The following GLIS1 variants were observed in gnomAD, a reference collection of about 807,000 sequenced individuals.
GLIS1 encodes the protein GLIS family zinc finger 1, also known as zinc finger protein GLIS1.
A neutral mutation model predicts 63.8 loss-of-function variants in GLIS1; 24 were observed. The observed-to-expected ratio is 0.38, with a 90% CI of 0.27 to 0.53. The LOEUF (loss-of-function observed/expected upper bound fraction) is 0.53. GLIS1 is among the 20% of genes least tolerant of loss of function. The pLI is 0.85. For missense variants in GLIS1, 1,036 were observed against 1,074.1 expected, an observed-to-expected ratio of 0.96 and a Z score of 0.50; for synonymous variants, 450 against 482.5, an observed-to-expected ratio of 0.93 and a Z score of 0.88.
chr1:53,542,504 T>C (rs1453900832), intron 4 of GLIS1, among the ~76,000 whole-genome samples: 1 of 151,928 alleles, frequency 6.6e-6, no homozygotes, highest in Non-Finnish European at 1.5e-5. Flanking sequence ...AAATGAGCCT[T>C]GAGGGAAGTG....
chr1:53,620,741 C>A (rs988097373), intron 2 of GLIS1, among the ~76,000 whole-genome samples: 5 of 152,172 alleles, frequency 3.3e-5, no homozygotes, highest in Admixed American at 3.3e-4. Flanking sequence ...CACAAAAGAG[C>A]AGAAATCCCG....
chr1:53,691,577 C>T (rs994130249), intron 2 of GLIS1, among the ~76,000 whole-genome samples: 3 of 152,158 alleles, frequency 2.0e-5, no homozygotes, highest in Admixed American at 6.5e-5. Context: ...CACCACTGCT[C>T]CTCCTCCATT....
intron 4 of GLIS1, among the ~76,000 whole-genome samples, chr1:53,550,168 T>C (rs978118106): frequency 6.6e-6 from 1 of 152,204 alleles, no homozygotes; most frequent in African/African-American, 2.4e-5. Flanking sequence ...CATGCTCAAA[T>C]TGGGTGGAAA....
chr1:53,506,930 G>T (rs547414095), intron 10 of GLIS1, among the ~76,000 whole-genome samples, 154 bp from the exon 11 acceptor site: 1 of 152,188 alleles, frequency 6.6e-6, no homozygotes, highest in Admixed American at 6.5e-5. Flanking sequence ...TTTTCCAAAT[G>T]GGGGAGCTGG....
chr1:53,713,023 G>T (rs957378259), intron 2 of GLIS1, among the ~76,000 whole-genome samples: 12 of 152,192 alleles, frequency 7.9e-5, no homozygotes, highest in African/African-American at 2.9e-4. Flanking sequence ...GTCAGAAATA[G>T]AGACAGTATC....
intron 2 of GLIS1, among the ~76,000 whole-genome samples, chr1:53,636,434 C>T (rs747983806): frequency 2.6e-4 from 39 of 151,196 alleles, no homozygotes; most frequent in Non-Finnish European, 4.3e-4. Context: ...TAACCAACCC[C>T]GAAAAGAAAA....
chr1:53,677,057 G>C (rs765125504), intron 2 of GLIS1, among the ~76,000 whole-genome samples: 16 of 152,174 alleles, frequency 1.1e-4, no homozygotes, highest in Non-Finnish European at 1.9e-4. Flanking sequence ...GCAAACAGCA[G>C]GTACCGCACA....
At chr1:53,656,681 T>C (rs1034529357) in intron 2 of GLIS1, among the ~76,000 whole-genome samples, 1 of 152,208 alleles carries the variant, frequency 6.6e-6, no homozygotes, top group Non-Finnish European at 1.5e-5. Flanking sequence ...TTTGCAACAA[T>C]TAAACCTTCC....
At chr1:53,710,215 T>C (rs1449442873) in intron 2 of GLIS1, among the ~76,000 whole-genome samples, 1 of 152,200 alleles carries the variant, frequency 6.6e-6, no homozygotes, top group African/African-American at 2.4e-5. Flanking sequence ...GCTTTCCGAA[T>C]CATTCCCCAC....
At chr1:53,576,390 G>A (rs1465841058) in intron 4 of GLIS1, among the ~76,000 whole-genome samples, 1 of 152,190 alleles carries the variant, frequency 6.6e-6, no homozygotes, top group Non-Finnish European at 1.5e-5. Context: ...ATCCATAAAA[G>A]AGAGAGAATA....
Position 53,706,210 on chromosome 1 carries a change from G to A in GLIS1, c.259+31596C>T, listed in dbSNP as rs185992686. ...TGTCAAAGACAGTGAATGACAGAGC[G>A]GGGACCTGGAAGCTTCCTACAAACT... On this transcript the variant is annotated intron_variant, in intron 2 of 10. Transcript: ENST00000628545. 4.0e-3 allele frequency among the ~76,000 whole-genome samples: 613 copies of A among 152,246 alleles called. 5 individuals carry two copies. The highest frequency in any genetic ancestry group is 0.032 in the South Asian group (155 of 4,810).
At chr1:53,509,047 C>A in intron 10 of GLIS1, 73 bp downstream of exon 10, 1 of 1,395,092 alleles carries the variant, frequency 7.2e-7, no homozygotes, top group Non-Finnish European at 9.7e-7. Context: ...CAGGACAGCA[C>A]GTATGCAGCA....
Position 53,539,670 on chromosome 1 carries a change from G to T in GLIS1, c.1321-9718C>A, listed in dbSNP as rs1644621927. Among the ~76,000 whole-genome samples the T allele has an allele frequency of 6.6e-6, 1 of 151,936 alleles. No individual in the cohort carries two copies. Among genetic ancestry groups the T allele is most frequent in the African/African-American group, 2.4e-5 (1 of 41,332 alleles). ...TATACCCAAAGACGTCCAAGCCCCA[G>T]ACCTGCCACATTCACAAACACACTA... On this transcript the variant is annotated intron_variant, in intron 4 of 10. Transcript: ENST00000628545. The surrounding 1 kb of genome is among the most constrained non-coding windows in gnomAD (Gnocchi z 5.0).
chr1:53,694,226 G>A (rs1430484870), intron 2 of GLIS1, among the ~76,000 whole-genome samples: 1 of 152,164 alleles, frequency 6.6e-6, no homozygotes, highest in Non-Finnish European at 1.5e-5. Context: ...TGGAGGGGGT[G>A]GGCCCTCTAG....
intron 2 of GLIS1, among the ~76,000 whole-genome samples, chr1:53,604,765 T>G (rs1645352053): frequency 6.6e-6 from 1 of 152,126 alleles, no homozygotes; most frequent in Non-Finnish European, 1.5e-5. Context: ...ACAGCAAGTA[T>G]AAGGCTTAGA....
At chr1:53,586,809 G>A (rs560535376) in intron 4 of GLIS1, among the ~76,000 whole-genome samples, 2 of 152,328 alleles carry the variant, frequency 1.3e-5, no homozygotes, top group East Asian at 3.9e-4. Flanking sequence ...GGAAGACAGG[G>A]TCCGGGCAAC....
chr1:53,559,148 T>C (rs769405617), intron 4 of GLIS1, among the ~76,000 whole-genome samples: 3 of 152,184 alleles, frequency 2.0e-5, no homozygotes, highest in Non-Finnish European at 4.4e-5. Flanking sequence ...TAACTCAGAA[T>C]GCAGGGGGCT....
intron 2 of GLIS1, among the ~76,000 whole-genome samples, chr1:53,633,616 C>T (rs1305406312): frequency 6.6e-6 from 1 of 151,976 alleles, no homozygotes; most frequent in African/African-American, 2.4e-5. Flanking sequence ...ATTAGGACTT[C>T]GTGAGTTTTA....
intron 2 of GLIS1, among the ~76,000 whole-genome samples, chr1:53,628,071 C>T (rs1050654468): frequency 1.3e-5 from 2 of 152,194 alleles, no homozygotes; most frequent in African/African-American, 4.8e-5. Flanking sequence ...AGCACTCCAG[C>T]CCTGAGGGGC....
Sources: allele counts gnomAD v4.1 joint callset (sites outside exome capture counted in the v4.1 genomes callset), GRCh38; gene constraint gnomAD v4.1.1; non-coding constraint Gnocchi (gnomAD v3.1); transcripts MANE v1.5; gene names NCBI Gene and HGNC (gene_info 2026-07-23, HGNC 2026-07-21).